The following CSNK1A1 variants were observed in gnomAD, a reference collection of about 807,000 sequenced individuals.
CSNK1A1 encodes casein kinase I isoform alpha.
Under a neutral mutation model 46.1 loss-of-function variants are expected in CSNK1A1, and 7 were observed. The observed-to-expected ratio is 0.15, with a 90% CI of 0.09 to 0.29. CSNK1A1 has a LOEUF of 0.29. CSNK1A1 is among the 10% of genes least tolerant of loss of function. The pLI is 1.00. For synonymous variants in CSNK1A1, 137 were observed against 141.5 expected (o/e 0.97, Z 0.23); for missense variants, 96 against 417.1 (o/e 0.23, Z 6.71).
chr5:149,499,098 A>G (rs1323695777), intron 9 of CSNK1A1: 1 of 985,296 alleles, frequency 1.0e-6, no homozygotes, highest in Non-Finnish European at 1.2e-6. Context: ...TTACTGAAGT[A>G]TGTTTAGGAA....
At chr5:149,501,309 C>T (rs755568929) in intron 9 of CSNK1A1, 11 of 985,178 alleles carry the variant, frequency 1.1e-5, no homozygotes, top group African/African-American at 1.7e-5. Flanking sequence ...CAAGAAGATG[C>T]GGTTCCCTGG....
At chr5:149,502,148 A>T in intron 9 of CSNK1A1, 1 of 966,322 alleles carries the variant, frequency 1.0e-6, no homozygotes, top group Non-Finnish European at 1.2e-6. Context: ...TATTAAAACA[A>T]CACCATTTTT....
chr5:149,547,525 G>A (rs1580868917), intron 2 of CSNK1A1, among the ~76,000 whole-genome samples: 2 of 152,082 alleles, frequency 1.3e-5, no homozygotes, highest in African/African-American at 4.8e-5. Flanking sequence ...TCCCAACATA[G>A]ATGAATCTCA....
Position 149,494,611 on chromosome 5 carries a change from T to C in CSNK1A1, c.*2242A>G, listed in dbSNP as rs541291681. ...TTTTGGTGAAATGAGATTCATCTCG[T>C]AACAGGATTAGTAACAGCATTCACT... On this transcript the variant is annotated 3_prime_UTR_variant, in exon 10 of 10. Coordinates refer to ENST00000377843, the MANE Select transcript of CSNK1A1 (RefSeq NM_001892.6). The C allele has an allele frequency of 1.8e-4, 27 of 152,322 alleles. No homozygotes were observed. Among genetic ancestry groups the C allele is most frequent in the African/African-American group, 6.5e-4 (27 of 41,572 alleles). The allele number at this position is 152,322 out of a possible 1,614,324, so 9.4% of individuals were successfully genotyped here. A position where few individuals can be genotyped will look rare whatever the true frequency, so the allele number is the denominator to read the frequency against.
chr5:149,550,535 T>G lies in CSNK1A1; in HGVS notation c.123+307A>C, dbSNP rs1762625465. Among the ~76,000 whole-genome samples the G allele has an allele frequency of 6.8e-6, 1 of 146,228 alleles. No individual in the cohort carries two copies. Among genetic ancestry groups the G allele is most frequent in the Admixed American group, 6.8e-5 (1 of 14,660 alleles). On this transcript the variant is annotated intron_variant, in intron 1 of 9. Coordinates refer to ENST00000377843, the MANE Select transcript of CSNK1A1 (RefSeq NM_001892.6). The surrounding 1 kb of genome is among the most constrained non-coding windows in gnomAD (Gnocchi z 4.3). The stretch of plus-strand genomic sequence containing the variant: ...AATTAAAAAAAAAAAAACATGGGAA[T>G]CACTGAAAGAGGATTTTGCCGTTTC...
intron 6 of CSNK1A1, among the ~76,000 whole-genome samples, chr5:149,510,956 C>G (rs193120638): frequency 1.6e-4 from 25 of 152,310 alleles, no homozygotes; most frequent in Admixed American, 1.6e-3. Flanking sequence ...GGACTGAGCA[C>G]TACAACTAGC....
At chr5:149,502,925 C>A in intron 9 of CSNK1A1, 1 of 588,334 alleles carries the variant, frequency 1.7e-6, no homozygotes, top group Non-Finnish European at 2.1e-6. Context: ...CACGCCACCA[C>A]ACCTGGCTAA....
intron 2 of CSNK1A1, among the ~76,000 whole-genome samples, chr5:149,527,251 C>T (rs894623402): frequency 2.0e-5 from 3 of 152,090 alleles, no homozygotes; most frequent in African/African-American, 7.2e-5. Context: ...CCTCAGCCTC[C>T]CAAGTAGCTG....
intron 2 of CSNK1A1, among the ~76,000 whole-genome samples, chr5:149,530,390 T>G (rs975282800): frequency 6.6e-6 from 1 of 152,140 alleles, no homozygotes; most frequent in African/African-American, 2.4e-5. Flanking sequence ...ATTATAAAAG[T>G]TAAAAAGTCG....
At chr5:149,545,761 G>T in intron 2 of CSNK1A1, 2 of 627,536 alleles carry the variant, frequency 3.2e-6, no homozygotes, top group Admixed American at 2.0e-5. Flanking sequence ...GCCATTTTCA[G>T]GACTGGTTGT....
intron 9 of CSNK1A1, chr5:149,497,350 T>A (rs1343195508): frequency 3.0e-6 from 3 of 986,576 alleles, no homozygotes; most frequent in East Asian, 2.3e-4. Context: ...AACAAAGACC[T>A]GAGAAGCATG....
intron 9 of CSNK1A1, chr5:149,497,361 T>C: frequency 1.0e-6 from 1 of 986,394 alleles, no homozygotes. Flanking sequence ...GAGAAGCATG[T>C]AATTTCTGTA....
At position 149,549,457 on chromosome 5, in the gene CSNK1A1, C is replaced by A. The variant is rs759979794; in HGVS notation, c.230+618G>T. 1.0e-5 allele frequency: 7 copies of A among 702,484 alleles called. No homozygotes were observed. The Admixed American group carries it at 1.0e-4, about 10-fold the overall frequency. 43.5% of individuals were successfully genotyped at this position (702,484 alleles called of 1,614,324 possible). On this transcript the variant is annotated intron_variant, in intron 2 of 9. Coordinates refer to ENST00000377843, the MANE Select transcript of CSNK1A1 (RefSeq NM_001892.6). ...TGCCATCTCCTTCCTCGAACCTCCA[C>A]ACCGCCTCCTGCAGCTTTATTCTTG...
intron 9 of CSNK1A1, among the ~76,000 whole-genome samples, chr5:149,500,287 G>A (rs1394055088): frequency 1.3e-5 from 2 of 151,952 alleles, no homozygotes; most frequent in Non-Finnish European, 2.9e-5. Context: ...ATAGGCGCCC[G>A]CCACCACGCC....
chr5:149,530,009 A>G (rs1761840166), intron 2 of CSNK1A1, among the ~76,000 whole-genome samples: 1 of 152,228 alleles, frequency 6.6e-6, no homozygotes, highest in Non-Finnish European at 1.5e-5. Context: ...AGAATATTCC[A>G]GAATAAATCA....
chr5:149,525,560 C>G lies in CSNK1A1; in HGVS notation c.231-389G>C, dbSNP rs1403457006. ...CTCTATCAGTCATTCCAAAATGTTT[C>G]AGAAAGCAAAGATTTCTTTTATCTG... is the stretch of plus-strand genomic sequence containing the variant. On this transcript the variant is annotated intron_variant, in intron 2 of 9. Coordinates refer to ENST00000377843, the MANE Select transcript of CSNK1A1 (RefSeq NM_001892.6). The surrounding 1 kb of genome is among the most constrained non-coding windows in gnomAD (Gnocchi z 4.2). 1.3e-5 allele frequency among the ~76,000 whole-genome samples: 2 copies of G among 152,168 alleles called. No homozygotes were observed. The highest frequency in any genetic ancestry group is 4.8e-5 in the African/African-American group (2 of 41,438).
At chr5:149,509,012 C>T (rs1165824128) in intron 7 of CSNK1A1, among the ~76,000 whole-genome samples, 3 of 152,172 alleles carry the variant, frequency 2.0e-5, no homozygotes, top group East Asian at 1.9e-4. Context: ...ACTGCAGCCT[C>T]GACCTCCTGG....
intron 2 of CSNK1A1, among the ~76,000 whole-genome samples, chr5:149,532,149 G>T (rs1472622126): frequency 6.6e-6 from 1 of 152,074 alleles, no homozygotes; most frequent in Non-Finnish European, 1.5e-5. Context: ...AAAATGTTGG[G>T]ATTACTGGTG....
chr5:149,551,242 T>C lies in CSNK1A1; in HGVS notation c.-278A>G, dbSNP rs553666274. 15 of 308,730 alleles carry C rather than the reference T, an allele frequency of 4.9e-5. No individual in the cohort carries two copies. The highest frequency in any genetic ancestry group is 9.7e-5 in the Admixed American group (2 of 20,550). 19.1% of individuals were successfully genotyped at this position (308,730 alleles called of 1,614,324 possible). A position where few individuals can be genotyped will look rare whatever the true frequency, so the allele number is the denominator to read the frequency against. ...TCTCGGCGGCCGCCGCTGCCTCGCT[T>C]GCGCGGCGACGTCGCGGGCTGGAAA... On this transcript the variant is annotated 5_prime_UTR_variant, in exon 1 of 10. Transcript: ENST00000377843.
Sources: allele counts gnomAD v4.1 joint callset (sites outside exome capture counted in the v4.1 genomes callset), GRCh38; gene constraint gnomAD v4.1.1; non-coding constraint Gnocchi (gnomAD v3.1); transcripts MANE v1.5; gene names NCBI Gene and HGNC (gene_info 2026-07-23, HGNC 2026-07-21).